SHISA9: variants seen among roughly 807,000 people sequenced by gnomAD.
SHISA9 encodes the protein shisa family member 9.
Under a neutral mutation model 38.0 loss-of-function variants are expected in SHISA9, and 13 were observed. The observed-to-expected ratio is 0.34, with a 90% CI of 0.22 to 0.54. SHISA9 has a LOEUF of 0.54. Among genes scored for constraint, SHISA9 ranks in the 20% least tolerant of loss-of-function variants. SHISA9 has a pLI of 0.91. For missense variants in SHISA9, 538 were observed against 575.8 expected (o/e 0.93, Z 0.67); for synonymous variants, 275 against 242.0 (o/e 1.14, Z -1.27).
At chr16:13,272,021 G>A in the SHISA9 span, among the ~76,000 whole-genome samples, 29 of 151,648 alleles carry the variant, frequency 1.9e-4, 1 homozygote, top group East Asian at 5.4e-3. Flanking sequence ...AGAGTTTGCA[G>A]TGAGCTGCGA....
intron 2 of SHISA9, among the ~76,000 whole-genome samples, chr16:13,139,203 C>T (rs763290255): frequency 6.6e-6 from 1 of 151,512 alleles, no homozygotes; most frequent in African/African-American, 2.4e-5. Context: ...TCTATTATCT[C>T]CCTCCCTCCC....
chr16:13,075,383 G>A (rs1228334943), intron 2 of SHISA9, among the ~76,000 whole-genome samples: 1 of 152,148 alleles, frequency 6.6e-6, no homozygotes, highest in Non-Finnish European at 1.5e-5. Flanking sequence ...ATGGCTCCCT[G>A]AGCCCCGAAG....
At chr16:13,436,120 C>G in the SHISA9 span, among the ~76,000 whole-genome samples, 1 of 152,132 alleles carries the variant, frequency 6.6e-6, no homozygotes, top group African/African-American at 2.4e-5. Context: ...TGAATACAGA[C>G]TGGGTAAAAT....
the SHISA9 span, among the ~76,000 whole-genome samples, chr16:13,276,391 C>T: frequency 6.6e-6 from 1 of 152,016 alleles, no homozygotes; most frequent in African/African-American, 2.4e-5. Flanking sequence ...GTACAAGTAT[C>T]TTTTTCGTAT....
the SHISA9 span, chr16:13,458,421 C>T: frequency 5.1e-6 from 2 of 395,250 alleles, no homozygotes; most frequent in South Asian, 4.0e-5. Flanking sequence ...CAGGGTCAAG[C>T]ATTACTGAAA....
the SHISA9 span, among the ~76,000 whole-genome samples, chr16:13,326,229 T>G: frequency 1.3e-5 from 2 of 152,026 alleles, no homozygotes; most frequent in African/African-American, 4.8e-5. Context: ...TTTTACTCAG[T>G]CTACCTATTC....
the SHISA9 span, among the ~76,000 whole-genome samples, chr16:13,475,063 G>A: frequency 3.9e-5 from 6 of 152,110 alleles, no homozygotes; most frequent in Admixed American, 3.9e-4. Flanking sequence ...ATAGATTATG[G>A]GTAGGGGAAA....
rs2071045562 is a variant in SHISA9 at position 12,903,252 on chromosome 16, C to G, written c.563+625C>G. Among the ~76,000 whole-genome samples the G allele has an allele frequency of 2.0e-5, 3 of 152,204 alleles. No individual in the cohort carries two copies. The South Asian group carries it at 6.2e-4, about 32-fold the overall frequency. On this transcript the variant is annotated intron_variant, in intron 1 of 4. Coordinates refer to ENST00000558583, the MANE Select transcript of SHISA9 (RefSeq NM_001145204.3). ...TTTGGGACCTCAGCTGCCCCCGCCC[C>G]TTTACCCACCTCATCCCTTTCTCTG...
At chr16:13,165,625 A>T (rs1341842785) in intron 2 of SHISA9, among the ~76,000 whole-genome samples, 1 of 152,204 alleles carries the variant, frequency 6.6e-6, no homozygotes, top group African/African-American at 2.4e-5. Context: ...GATTCCTCAG[A>T]CCATGAGCAA....
At chr16:13,080,637 G>A (rs964138887) in intron 2 of SHISA9, among the ~76,000 whole-genome samples, 1 of 152,132 alleles carries the variant, frequency 6.6e-6, no homozygotes, top group African/African-American at 2.4e-5. Flanking sequence ...GTAGGTGTGG[G>A]AACTCCTTTT....
the SHISA9 span, among the ~76,000 whole-genome samples, chr16:13,293,520 G>T: frequency 2.6e-5 from 4 of 152,264 alleles, no homozygotes; most frequent in African/African-American, 9.6e-5. Flanking sequence ...CTTGTAAAAT[G>T]GAGGAAGTAG....
chr16:13,212,285 A>G (rs115122297), intron 3 of SHISA9, among the ~76,000 whole-genome samples: 1 of 152,184 alleles, frequency 6.6e-6, no homozygotes, highest in East Asian at 1.9e-4. Flanking sequence ...GTCTCCAGCC[A>G]ATGAGGAGAG....
chr16:13,487,755 C>T, the SHISA9 span, among the ~76,000 whole-genome samples: 1 of 151,998 alleles, frequency 6.6e-6, no homozygotes, highest in Non-Finnish European at 1.5e-5. Context: ...TTTAAGTTTC[C>T]ATTATTTTCA....
intron 2 of SHISA9, among the ~76,000 whole-genome samples, chr16:13,073,794 G>A (rs1343454968): frequency 6.6e-6 from 1 of 152,118 alleles, no homozygotes; most frequent in Admixed American, 6.5e-5. Context: ...GAACGAGGCG[G>A]ATACAAGCCA....
At chr16:13,283,973 C>G in the SHISA9 span, among the ~76,000 whole-genome samples, 10 of 152,150 alleles carry the variant, frequency 6.6e-5, no homozygotes, top group Non-Finnish European at 1.5e-4. Context: ...CAGCCATACA[C>G]TTACAAGTGA....
At chr16:13,166,381 C>T (rs2050635873) in intron 2 of SHISA9, among the ~76,000 whole-genome samples, 1 of 152,168 alleles carries the variant, frequency 6.6e-6, no homozygotes, top group African/African-American at 2.4e-5. Context: ...TGTTACTCAC[C>T]ACTTAACTGT....
chr16:13,228,270 C>T (rs1426934240), intron 4 of SHISA9, among the ~76,000 whole-genome samples: 2 of 152,220 alleles, frequency 1.3e-5, no homozygotes, highest in Admixed American at 6.5e-5. Flanking sequence ...CACCAAGCAA[C>T]CAGCTCAGAG....
At chr16:13,508,518 A>G in the SHISA9 span, among the ~76,000 whole-genome samples, 1 of 152,326 alleles carries the variant, frequency 6.6e-6, no homozygotes, top group East Asian at 1.9e-4. Flanking sequence ...ATGTTGTTAA[A>G]TTATCTTTCC....
the SHISA9 span, among the ~76,000 whole-genome samples, chr16:13,343,800 T>G: frequency 3.3e-5 from 5 of 152,110 alleles, no homozygotes; most frequent in African/African-American, 1.2e-4. Context: ...TTTAATTAGA[T>G]CAATAGGAGA....
Sources: gnomAD v4.1 joint callset for allele counts (sites outside exome capture counted in the v4.1 genomes callset) on GRCh38, gnomAD v4.1.1 for gene constraint, MANE v1.5 for transcripts, NCBI Gene and HGNC (gene_info 2026-07-23, HGNC 2026-07-21) for gene names.